The following ANKRD46 variants were observed in gnomAD, a reference collection of about 807,000 sequenced individuals.
ANKRD46 encodes the protein ankyrin repeat domain-containing protein 46.
Under a neutral mutation model 19.8 loss-of-function variants are expected in ANKRD46, and 13 were observed. The observed-to-expected ratio is 0.66, with a 90% confidence interval of 0.43 to 1.04. ANKRD46 has a LOEUF of 1.04. Ranked by LOEUF, ANKRD46 falls within the 50% of genes least tolerant of loss-of-function variation. ANKRD46 has a pLI of 0.00. For synonymous variants in ANKRD46, 91 were observed against 106.9 expected (o/e 0.85, Z 0.92); for missense variants, 185 against 274.8 (o/e 0.67, Z 2.31).
intron 1 of ANKRD46, chr8:100,551,088 A>T: frequency 2.0e-6 from 1 of 508,176 alleles, no homozygotes; most frequent in South Asian, 1.6e-5. Flanking sequence ...TGGCAACACC[A>T]GTAGATGCAG....
chr8:100,539,723 T>C (rs188019349), intron 1 of ANKRD46, among the ~76,000 whole-genome samples: 88 of 152,318 alleles, frequency 5.8e-4, no homozygotes, highest in Non-Finnish European at 9.7e-4. Context: ...TGAGGTTAAT[T>C]TGAAGTATGT....
chr8:100,516,036 C>A (rs1811626128), downstream of ANKRD46, among the ~76,000 whole-genome samples: 1 of 152,162 alleles, frequency 6.6e-6, no homozygotes, highest in Non-Finnish European at 1.5e-5. Flanking sequence ...CCATGCCCAG[C>A]TAATTTTGTG....
rs1055178096 is a variant in ANKRD46 at position 100,524,172 on chromosome 8, G to A, written c.471-1401C>T. On this transcript the variant is annotated intron_variant, in intron 4 of 4. Coordinates refer to ENST00000335659, the MANE Select transcript of ANKRD46 (RefSeq NM_001270377.2). The surrounding 1 kb of genome is among the most constrained non-coding windows in gnomAD (Gnocchi z 4.3). ...ACTTTGGTACTTGGAAGCACTAAGGGAAGAGCACTCATGGTTATATCACAA... is the reference window on the plus strand; with the variant it reads ...ACTTTGGTACTTGGAAGCACTAAGGAAAGAGCACTCATGGTTATATCACAA... 1.3e-5 allele frequency among the ~76,000 whole-genome samples: 2 copies of A among 152,114 alleles called. No homozygotes were observed. Among genetic ancestry groups the A allele is most frequent in the Admixed American group, 6.5e-5 (1 of 15,270 alleles).
chr8:100,519,029 C>T (rs1380231167), downstream of ANKRD46, among the ~76,000 whole-genome samples: 1 of 152,158 alleles, frequency 6.6e-6, no homozygotes, highest in Non-Finnish European at 1.5e-5. Context: ...CTTTGTTAGA[C>T]TAAACTGTCC....
In ANKRD46 at chr8:100,529,470, T is replaced by C; in HGVS notation, c.311+53A>G. 1.3e-6 allele frequency: 2 copies of C among 1,517,864 alleles called. No individual in the cohort carries two copies. Among genetic ancestry groups the C allele is most frequent in the Non-Finnish European group, 8.9e-7 (1 of 1,117,692 alleles). 94.0% of individuals were successfully genotyped at this position (1,517,864 alleles called of 1,614,324 possible). A position where few individuals can be genotyped will look rare whatever the true frequency, so the allele number is the denominator to read the frequency against. ...ACAGACCCAAGATAAGATTATCAGT[T>C]GAGAGATTAATGGGAAGAAATGACT... On this transcript the variant is annotated intron_variant, in intron 3 of 4. Transcript: ENST00000335659. This position sits in a 1 kb window ranked among gnomAD's most constrained non-coding sequence, Gnocchi z 5.8.
chr8:100,530,532 T>A (rs569302442), intron 2 of ANKRD46, among the ~76,000 whole-genome samples: 3 of 152,226 alleles, frequency 2.0e-5, no homozygotes, highest in African/African-American at 7.2e-5. Flanking sequence ...TACAGGTGTC[T>A]GCCACCATGC....
Position 100,539,436 on chromosome 8 carries a change from A to C in ANKRD46, c.-130-6125T>G, listed in dbSNP as rs182052568. On this transcript the variant is annotated intron_variant, in intron 1 of 4. Transcript: ENST00000335659. ...AGTACTATGAAGAACATTGGAAAGAAGGAGTTTATAAGCAGAATCTTCTGA... is the reference window on the plus strand; with the variant it reads ...AGTACTATGAAGAACATTGGAAAGACGGAGTTTATAAGCAGAATCTTCTGA... 1.7e-3 allele frequency among the ~76,000 whole-genome samples: 257 copies of C among 152,362 alleles called. 4 individuals carry two copies. The highest frequency in any genetic ancestry group is 6.0e-3 in the African/African-American group (249 of 41,590).
In ANKRD46 at chr8:100,559,073, G is replaced by A. The variant is rs1158549814; in HGVS notation, c.-131+638C>T. 2.0e-5 allele frequency: 3 copies of A among 151,596 alleles called. No individual in the cohort carries two copies. Among genetic ancestry groups the A allele is most frequent in the East Asian group, 3.8e-4 (2 of 5,198 alleles). 9.4% of individuals were successfully genotyped at this position (151,596 alleles called of 1,614,324 possible). A position where few individuals can be genotyped will look rare whatever the true frequency, so the allele number is the denominator to read the frequency against. On this transcript the variant is annotated intron_variant, in intron 1 of 4. Transcript: ENST00000335659. This position sits in a 1 kb window ranked among gnomAD's most constrained non-coding sequence, Gnocchi z 6.0. ...TCTGTAGCCAATTCCGAATACCGTG[G>A]AACGTTACAAAAAACAGATGTTATT... is the stretch of plus-strand genomic sequence containing the variant.
chr8:100,532,642 TC>T lies in ANKRD46; in HGVS notation c.-28+566del, dbSNP rs1332855195. 3.3e-5 allele frequency among the ~76,000 whole-genome samples: 5 copies of T among 152,184 alleles called. No individual in the cohort carries two copies. The highest frequency in any genetic ancestry group is 1.2e-4 in the African/African-American group (5 of 41,438). On this transcript the variant is annotated intron_variant, in intron 2 of 4. Coordinates refer to ENST00000335659, the MANE Select transcript of ANKRD46 (RefSeq NM_001270377.2). This position sits in a 1 kb window ranked among gnomAD's most constrained non-coding sequence, Gnocchi z 4.7. ...CTGGGTCACAATGGAAGAAGAATTG[TC>T]TTGGGCTACACATAAAATACATAAT...
In ANKRD46 at chr8:100,552,823, G is replaced by A. The variant is rs181518487; in HGVS notation, c.-131+6888C>T. On this transcript the variant is annotated intron_variant, in intron 1 of 4. Coordinates refer to ENST00000335659, the MANE Select transcript of ANKRD46 (RefSeq NM_001270377.2). ...AAGCCTTGGGCTTTTCCTATTACGG[G>A]TATCAATAAAGGATCTTTTTAAGAC... is the stretch of plus-strand genomic sequence containing the variant. Among the ~76,000 whole-genome samples the A allele has an allele frequency of 3.8e-3, 581 of 152,306 alleles. 8 individuals are homozygous for A. The highest frequency in any genetic ancestry group is 0.012 in the African/African-American group (502 of 41,568).
In ANKRD46 at chr8:100,521,052, G is replaced by A; in HGVS notation, c.*1503C>T. 1.0e-6 allele frequency: 1 copy of A among 984,886 alleles called. No individual in the cohort carries two copies. The highest frequency in any genetic ancestry group is 1.8e-5 in the African/African-American group (1 of 57,090). 61.0% of individuals were successfully genotyped at this position (984,886 alleles called of 1,614,324 possible). ...ACACCAACTATGATTTACTTTGTTT[G>A]TATCTAACCTAAAAGCAAGACTCTG... On this transcript the variant is annotated 3_prime_UTR_variant, in exon 5 of 5. Coordinates refer to ENST00000335659, the MANE Select transcript of ANKRD46 (RefSeq NM_001270377.2).
At chr8:100,553,762 C>T (rs973215343) in intron 1 of ANKRD46, among the ~76,000 whole-genome samples, 1 of 151,794 alleles carries the variant, frequency 6.6e-6, no homozygotes, top group Non-Finnish European at 1.5e-5. Flanking sequence ...AACAAACAAA[C>T]AAAAACCAAA....
chr8:100,551,053 T>G, intron 1 of ANKRD46: 1 of 511,600 alleles, frequency 2.0e-6, no homozygotes. Flanking sequence ...CCTGTTCAGC[T>G]CGGGGATGGC....
Position 100,550,350 on chromosome 8 carries a change from G to A in ANKRD46, c.-131+9361C>T, listed in dbSNP as rs1239017421. On this transcript the variant is annotated intron_variant, in intron 1 of 4. Coordinates refer to ENST00000335659, the MANE Select transcript of ANKRD46 (RefSeq NM_001270377.2). This position sits in a 1 kb window ranked among gnomAD's most constrained non-coding sequence, Gnocchi z 4.4. ...GGTGTTGTCAGCGTTCTAGATTTTA[G>A]TTAGCCATTTTAGTAAGTGTGTAGT... Among the ~76,000 whole-genome samples the A allele has an allele frequency of 1.3e-5, 2 of 152,290 alleles. No homozygotes were observed. The highest frequency in any genetic ancestry group is 2.9e-5 in the Non-Finnish European group (2 of 68,024).
rs1169034732 is a variant in ANKRD46, at chr8:100,511,822, G to A, written c.637-1183C>T. Among the ~76,000 whole-genome samples the A allele has an allele frequency of 6.6e-6, 1 of 152,282 alleles. No homozygotes were observed. Among genetic ancestry groups the A allele is most frequent in the South Asian group, 2.1e-4 (1 of 4,824 alleles). ...GCAGATCACTTGAGGTCAGGAGTTC[G>A]AGACCAGCCTGGCCAACAATGGTGA... On this transcript the variant is annotated intron_variant, in intron 5 of 5. Transcript: ENST00000520552. This position sits in a 1 kb window ranked among gnomAD's most constrained non-coding sequence, Gnocchi z 4.1.
Position 100,528,005 on chromosome 8 carries a change from TAAAAAAA to T in ANKRD46, c.312-9_312-3del. ...AAAGGGGTAGCACCTTGATGATTGC[TAAAAAAA>T]AAAAAAAAAAAAAAAGTTTATAAAA... On this transcript the variant is annotated splice_region_variant and splice_polypyrimidine_tract_variant and intron_variant, in intron 3 of 4. Transcript: ENST00000335659. The T allele has an allele frequency of 6.0e-6, 7 of 1,164,182 alleles. No homozygotes were observed. The highest frequency in any genetic ancestry group is 5.5e-5 in the Admixed American group (1 of 18,282). The allele number at this position is 1,164,182 out of a possible 1,614,324, so 72.1% of individuals were successfully genotyped here.
Position 100,510,719 on chromosome 8 carries a change from T to A in ANKRD46, c.637-80A>T. 1 of 1,270,218 alleles carries A rather than the reference T, an allele frequency of 7.9e-7. No homozygotes were observed. The allele number at this position is 1,270,218 out of a possible 1,614,324, so 78.7% of individuals were successfully genotyped here. Reference sequence around the variant, plus strand: ...GCTGCAGAGATGTGCCAGGACCAGATACAATCATAAATATATAGAACCAGA... The same window carrying A: ...GCTGCAGAGATGTGCCAGGACCAGAAACAATCATAAATATATAGAACCAGA... On this transcript the variant is annotated intron_variant, in intron 5 of 5. Transcript: ENST00000520552. The surrounding 1 kb of genome is among the most constrained non-coding windows in gnomAD (Gnocchi z 4.9).
intron 2 of ANKRD46, among the ~76,000 whole-genome samples, chr8:100,531,792 A>G (rs983471927): frequency 1.3e-5 from 2 of 152,148 alleles, no homozygotes; most frequent in African/African-American, 4.8e-5. Flanking sequence ...TACTATTTCA[A>G]TGAGTCCAGC....
intron 5 of ANKRD46, among the ~76,000 whole-genome samples, chr8:100,513,578 G>A (rs995744688): frequency 9.2e-5 from 14 of 152,186 alleles, no homozygotes; most frequent in Admixed American, 5.2e-4. Context: ...TATAACCACA[G>A]CCTCCACTGT....
Sources: gnomAD v4.1 joint callset for allele counts (sites outside exome capture counted in the v4.1 genomes callset) on GRCh38, gnomAD v4.1.1 for gene constraint, Gnocchi (gnomAD v3.1) non-coding constraint, MANE v1.5 for transcripts, NCBI Gene and HGNC (gene_info 2026-07-23, HGNC 2026-07-21) for gene names.